TNFSF18: variants seen among roughly 807,000 people sequenced by gnomAD.
The protein encoded by TNFSF18 is TNF superfamily member 18, also known as tumor necrosis factor ligand superfamily member 18.
TNFSF18 carries 6 observed loss-of-function variants against 9.6 expected under a neutral mutation model. The observed-to-expected ratio is 0.63, with a 90% CI of 0.34 to 1.24. The LOEUF (loss-of-function observed/expected upper bound fraction) is 1.24. Among genes scored for constraint, TNFSF18 ranks in the 50% most tolerant of loss-of-function variants. The pLI is 0.03. For synonymous variants in TNFSF18, 68 were observed against 71.7 expected, an observed-to-expected ratio of 0.95 and a Z score of 0.26; for missense variants, 210 against 201.0, an observed-to-expected ratio of 1.04 and a Z score of -0.27.
At position 173,046,438 on chromosome 1, in the gene TNFSF18, G is replaced by T. The variant is rs543258272; in HGVS notation, c.157-2469C>A. Among the ~76,000 whole-genome samples, 411 of 151,930 alleles carry T rather than the reference G, an allele frequency of 2.7e-3. 4 individuals carry two copies. The highest frequency in any genetic ancestry group is 0.017 in the Middle Eastern group (5 of 292). ...CATTTTAATCTATATTTGTTTGTCG[G>T]GTAATTTTTCAGTCATGATGGTCAA... On this transcript the variant is annotated intron_variant, in intron 1 of 2. Transcript: ENST00000404377.
intron 1 of TNFSF18, 77 bp downstream of exon 1, chr1:173,050,664 A>G (rs1230159672): frequency 1.1e-6 from 1 of 937,786 alleles, no homozygotes; most frequent in Non-Finnish European, 1.6e-6. Flanking sequence ...ATACTGAGTG[A>G]CAATGATAAC....
Position 173,042,995 on chromosome 1 carries a change from A to T in TNFSF18, c.187+944T>A, listed in dbSNP as rs140558488. ...AATTTCTTCTTCCTTGACATGTAATAGGCAATAGGCAGGTCACCAGGAAGA... is the reference window on the plus strand; with the variant it reads ...AATTTCTTCTTCCTTGACATGTAATTGGCAATAGGCAGGTCACCAGGAAGA... On this transcript the variant is annotated intron_variant, in intron 2 of 2. Coordinates refer to ENST00000404377, the MANE Select transcript of TNFSF18 (RefSeq NM_005092.4). Among the ~76,000 whole-genome samples, 821 of 152,236 alleles carry T rather than the reference A, an allele frequency of 5.4e-3. 6 individuals are homozygous for T. Among genetic ancestry groups the T allele is most frequent in the African/African-American group, 0.019 (780 of 41,558 alleles).
At chr1:173,044,491 C>T (rs946056683) in intron 1 of TNFSF18, among the ~76,000 whole-genome samples, 9 of 151,852 alleles carry the variant, frequency 5.9e-5, no homozygotes, top group South Asian at 2.1e-4. Context: ...TCTGAGATAC[C>T]CTGAAAAACA....
intron 2 of TNFSF18, among the ~76,000 whole-genome samples, chr1:173,043,385 G>T (rs1007925675): frequency 1.2e-4 from 18 of 152,150 alleles, no homozygotes; most frequent in African/African-American, 2.2e-4. Flanking sequence ...AGAATCTAAG[G>T]CTCAGTGTAA....
At chr1:173,048,286 T>C (rs544294995) in intron 1 of TNFSF18, among the ~76,000 whole-genome samples, 1 of 152,322 alleles carries the variant, frequency 6.6e-6, no homozygotes, top group East Asian at 1.9e-4. Flanking sequence ...GGGTTCGTTA[T>C]TTTTGCTTAG....
At chr1:173,046,942 G>C (rs1442050412) in intron 1 of TNFSF18, among the ~76,000 whole-genome samples, 1 of 151,970 alleles carries the variant, frequency 6.6e-6, no homozygotes, top group African/African-American at 2.4e-5. Flanking sequence ...GCCCAGGCTG[G>C]AGTGCAGTGG....
chr1:173,046,901 G>GT (rs1212355166), intron 1 of TNFSF18, among the ~76,000 whole-genome samples: 21 of 150,982 alleles, frequency 1.4e-4, no homozygotes, highest in African/African-American at 2.4e-4. Context: ...TGTTGTTGTT[G>GT]TTGTTTTTTG....
chr1:173,044,180 T>A (rs1282562529), intron 1 of TNFSF18, among the ~76,000 whole-genome samples: 3 of 152,114 alleles, frequency 2.0e-5, no homozygotes, highest in Non-Finnish European at 2.9e-5. Context: ...GCTTCCCTTT[T>A]AGGTCTTTTA....
In TNFSF18 at chr1:173,041,153, G is replaced by A; in HGVS notation, c.*214C>T. The A allele has an allele frequency of 2.3e-6, 1 of 440,036 alleles. No individual in the cohort carries two copies. Among genetic ancestry groups the A allele is most frequent in the Non-Finnish European group, 4.0e-6 (1 of 250,026 alleles). 27.3% of individuals were successfully genotyped at this position (440,036 alleles called of 1,614,324 possible). ...CATATTTGTTTTATCATGGATTAAT[G>A]AAGTATCTCTGCAGATCCAACCAAA... is the stretch of plus-strand genomic sequence containing the variant. On this transcript the variant is annotated 3_prime_UTR_variant, in exon 3 of 3. Transcript: ENST00000404377.
rs192202661 is a variant in TNFSF18 at position 173,047,097 on chromosome 1, T to C, written c.157-3128A>G. On this transcript the variant is annotated intron_variant, in intron 1 of 2. Coordinates refer to ENST00000404377, the MANE Select transcript of TNFSF18 (RefSeq NM_005092.4). ...TTTTTGTAGAGACAGGGTTTTGCCA[T>C]GTTGCCCAGGCTGGTCTCAAACTCT... Among the ~76,000 whole-genome samples the C allele has an allele frequency of 1.0e-2, 1,521 of 152,166 alleles. 30 individuals are homozygous for C. Among genetic ancestry groups the C allele is most frequent in the African/African-American group, 0.035 (1,437 of 41,528 alleles).
intron 1 of TNFSF18, among the ~76,000 whole-genome samples, chr1:173,049,800 A>C (rs566891883): frequency 7.2e-5 from 11 of 152,326 alleles, no homozygotes; most frequent in Non-Finnish European, 1.0e-4. Context: ...AAATAGGCTA[A>C]ATCCTGAAAT....
At chr1:173,041,796 TTACCACATAC>T in intron 2 of TNFSF18, 83 bp from the exon 3 acceptor site, 1 of 1,304,420 alleles carries the variant, frequency 7.7e-7, no homozygotes. Flanking sequence ...AGTTAATTAT[TTACCACATAC>T]ATGTTGTTTC....
intron 1 of TNFSF18, among the ~76,000 whole-genome samples, chr1:173,050,012 C>T (rs892117217): frequency 2.0e-5 from 3 of 152,154 alleles, no homozygotes; most frequent in African/African-American, 7.2e-5. Context: ...TCTCATTCCT[C>T]CATGAAGTCT....
At chr1:173,046,244 T>A (rs1665080978) in intron 1 of TNFSF18, among the ~76,000 whole-genome samples, 2 of 152,144 alleles carry the variant, frequency 1.3e-5, no homozygotes, top group Admixed American at 1.3e-4. Context: ...CATTAGAGTA[T>A]AATGAAGATA....
chr1:173,043,561 T>C (rs376815033), intron 2 of TNFSF18, among the ~76,000 whole-genome samples: 18 of 152,162 alleles, frequency 1.2e-4, no homozygotes, highest in African/African-American at 4.1e-4. Context: ...ACATACTCCA[T>C]TGGACATTAG....
chr1:173,050,696 G>A (rs372942159), intron 1 of TNFSF18, 45 bp downstream of exon 1: 118 of 1,293,604 alleles, frequency 9.1e-5, no homozygotes, highest in Admixed American at 2.0e-4. Context: ...CAAATAAATA[G>A]AGGATTATAG....
intron 2 of TNFSF18, among the ~76,000 whole-genome samples, chr1:173,043,235 G>C (rs1044241625): frequency 1.3e-5 from 2 of 152,094 alleles, no homozygotes; most frequent in African/African-American, 4.8e-5. Context: ...AAACCTACTG[G>C]TTTAAACTAT....
At chr1:173,050,556 C>A (rs1359471201) in intron 1 of TNFSF18, among the ~76,000 whole-genome samples, 185 bp downstream of exon 1, 1 of 152,106 alleles carries the variant, frequency 6.6e-6, no homozygotes, top group African/African-American at 2.4e-5. Context: ...CCTTTTATCT[C>A]AAAACCTTTA....
At chr1:173,049,541 T>C (rs936623380) in intron 1 of TNFSF18, among the ~76,000 whole-genome samples, 5 of 152,178 alleles carry the variant, frequency 3.3e-5, no homozygotes, top group African/African-American at 1.2e-4. Context: ...GAATACAAAT[T>C]AATGGGCTAC....
Sources: allele counts gnomAD v4.1 joint callset (sites outside exome capture counted in the v4.1 genomes callset), GRCh38; gene constraint gnomAD v4.1.1; transcripts MANE v1.5; gene names NCBI Gene and HGNC (gene_info 2026-07-23, HGNC 2026-07-21).